The following ASAP1 variants were observed in gnomAD, a reference collection of about 807,000 sequenced individuals.
The protein encoded by ASAP1 is arf-GAP with SH3 domain, ANK repeat and PH domain-containing protein 1.
Under a neutral mutation model 145.2 loss-of-function variants are expected in ASAP1, and 43 were observed. The ratio of observed to expected loss-of-function variants is 0.30; its 90% CI spans 0.23 to 0.38. ASAP1 has a LOEUF of 0.38. Ranked by LOEUF, ASAP1 falls within the 10% of genes least tolerant of loss-of-function variation. ASAP1 has a pLI of 1.00. For missense variants in ASAP1, 1,018 were observed against 1,355.3 expected (o/e 0.75, Z 3.91); for synonymous variants, 546 against 515.5 (o/e 1.06, Z -0.80).
chr8:130,075,650 C>T (rs1275696442), intron 27 of ASAP1, among the ~76,000 whole-genome samples: 1 of 152,096 alleles, frequency 6.6e-6, no homozygotes, highest in African/African-American at 2.4e-5. Flanking sequence ...ATGGTAACAA[C>T]AACGACAACA....
At chr8:130,287,424 G>A (rs1821683749) in intron 3 of ASAP1, among the ~76,000 whole-genome samples, 1 of 152,096 alleles carries the variant, frequency 6.6e-6, no homozygotes. Flanking sequence ...TATGAATATT[G>A]TCTTTGTTCT....
At chr8:130,190,564 C>T in intron 5 of ASAP1, among the ~76,000 whole-genome samples, 1 of 152,130 alleles carries the variant, frequency 6.6e-6, no homozygotes, top group East Asian at 1.9e-4. Flanking sequence ...GTCGCCCAGG[C>T]TGGAGTGCAG....
At chr8:130,071,095 C>A (rs1389152180) in intron 27 of ASAP1, among the ~76,000 whole-genome samples, 1 of 146,654 alleles carries the variant, frequency 6.8e-6, no homozygotes, top group Non-Finnish European at 1.5e-5. Context: ...ATTTTTTCTC[C>A]CCTACCCGAT....
chr8:130,064,499 G>A (rs2097426116), intron 27 of ASAP1, among the ~76,000 whole-genome samples: 1 of 152,120 alleles, frequency 6.6e-6, no homozygotes, highest in Non-Finnish European at 1.5e-5. Flanking sequence ...TTTAAGTAGA[G>A]AAGCCTGTCA....
chr8:130,431,138 C>A (rs1830120825), intron 1 of ASAP1, among the ~76,000 whole-genome samples: 1 of 152,170 alleles, frequency 6.6e-6, no homozygotes, highest in Non-Finnish European at 1.5e-5. Flanking sequence ...CCCATCCCCC[C>A]TCCAAATGAT....
intron 3 of ASAP1, among the ~76,000 whole-genome samples, chr8:130,287,745 T>C (rs1821703481): frequency 6.6e-6 from 1 of 152,168 alleles, no homozygotes; most frequent in Non-Finnish European, 1.5e-5. Flanking sequence ...ACATATTTAA[T>C]AGAACATTAT....
chr8:130,068,104 A>G (rs2097434163), intron 27 of ASAP1, among the ~76,000 whole-genome samples: 1 of 152,236 alleles, frequency 6.6e-6, no homozygotes, highest in Non-Finnish European at 1.5e-5. Flanking sequence ...ACTAAAGGTA[A>G]AAGTTACCAG....
Position 130,429,007 on chromosome 8 carries a change from G to A in ASAP1, c.-28+14453C>T, listed in dbSNP as rs139213997. On this transcript the variant is annotated intron_variant, in intron 1 of 29. Coordinates refer to ENST00000518721, the MANE Select transcript of ASAP1 (RefSeq NM_018482.4). Reference sequence around the variant, plus strand: ...CCTTGCCTCTTCCTGGCTTGTGGTGGTTGCCAGAAATCCTTTATGTTCCCT... The same window carrying A: ...CCTTGCCTCTTCCTGGCTTGTGGTGATTGCCAGAAATCCTTTATGTTCCCT... Among the ~76,000 whole-genome samples the A allele has an allele frequency of 2.4e-3, 369 of 152,286 alleles. 2 individuals carry two copies. Among genetic ancestry groups the A allele is most frequent in the African/African-American group, 8.3e-3 (344 of 41,552 alleles).
chr8:130,218,753 C>T (rs959839026), intron 4 of ASAP1, among the ~76,000 whole-genome samples: 15 of 151,976 alleles, frequency 9.9e-5, no homozygotes, highest in African/African-American at 3.4e-4. Context: ...TGAAATGTGA[C>T]GTGAGTGAGG....
At chr8:130,236,169 C>A (rs1471694016) in intron 4 of ASAP1, among the ~76,000 whole-genome samples, 1 of 152,078 alleles carries the variant, frequency 6.6e-6, no homozygotes, top group Non-Finnish European at 1.5e-5. Context: ...AAGTTACAGA[C>A]CACTGATTTC....
chr8:130,100,673 T>G (rs559614399), intron 24 of ASAP1, among the ~76,000 whole-genome samples: 2 of 152,294 alleles, frequency 1.3e-5, no homozygotes, highest in Admixed American at 6.5e-5. Context: ...CCTTTGCCCA[T>G]TTTAAAATCA....
rs529099630 is a variant in ASAP1 at position 130,331,215 on chromosome 8, G to A, written c.186+26802C>T. 1.8e-4 allele frequency among the ~76,000 whole-genome samples: 27 copies of A among 152,336 alleles called. No homozygotes were observed. In the South Asian group the frequency reaches 5.4e-3, roughly 30 times the overall value. On this transcript the variant is annotated intron_variant, in intron 3 of 29. Coordinates refer to ENST00000518721, the MANE Select transcript of ASAP1 (RefSeq NM_018482.4). ...GGCATGGCTATTTCGAGTGGAAAGA[G>A]CGAGTAGGGCCCTATTACCCCTTAG...
At chr8:130,061,857 C>A (rs945420872) in intron 27 of ASAP1, among the ~76,000 whole-genome samples, 2 of 152,162 alleles carry the variant, frequency 1.3e-5, no homozygotes, top group African/African-American at 4.8e-5. Flanking sequence ...AATTTGTTGA[C>A]CCATTTCCAT....
chr8:130,255,952 A>C (rs1308407337), intron 3 of ASAP1, among the ~76,000 whole-genome samples: 1 of 152,116 alleles, frequency 6.6e-6, no homozygotes, highest in Non-Finnish European at 1.5e-5. Context: ...CACTCCTCCC[A>C]CACACACAGA....
intron 24 of ASAP1, among the ~76,000 whole-genome samples, chr8:130,098,245 A>T (rs143310701): frequency 6.0e-4 from 91 of 152,334 alleles, no homozygotes; most frequent in African/African-American, 2.1e-3. Context: ...CTCAGCCTTG[A>T]CAACAGCTTG....
intron 3 of ASAP1, among the ~76,000 whole-genome samples, chr8:130,242,451 A>C (rs565804822): frequency 8.5e-5 from 13 of 152,160 alleles, no homozygotes; most frequent in African/African-American, 3.1e-4. Context: ...TAATAGGGGA[A>C]GCAAGGGAAT....
At chr8:130,421,982 G>T (rs1484323232) in intron 1 of ASAP1, among the ~76,000 whole-genome samples, 2 of 152,160 alleles carry the variant, frequency 1.3e-5, no homozygotes, top group African/African-American at 4.8e-5. Context: ...AAAATAGTGG[G>T]GGAGACAGAG....
At chr8:130,075,531 C>T (rs961822029) in intron 27 of ASAP1, among the ~76,000 whole-genome samples, 2 of 152,298 alleles carry the variant, frequency 1.3e-5, no homozygotes, top group South Asian at 2.1e-4. Context: ...CTGAGCTCCT[C>T]GGAGCTTCCG....
At chr8:130,319,035 T>C (rs1434095533) in intron 3 of ASAP1, among the ~76,000 whole-genome samples, 1 of 152,254 alleles carries the variant, frequency 6.6e-6, no homozygotes, top group African/African-American at 2.4e-5. Context: ...TTAAAAGCAG[T>C]CACTCCTATA....
Sources: allele counts gnomAD v4.1 joint callset (sites outside exome capture counted in the v4.1 genomes callset), GRCh38; gene constraint gnomAD v4.1.1; transcripts MANE v1.5; gene names NCBI Gene and HGNC (gene_info 2026-07-23, HGNC 2026-07-21).